The following ZNF236 variants were observed in gnomAD, a reference collection of about 807,000 sequenced individuals.
The protein encoded by ZNF236 is regulated by glucose.
ZNF236 carries 50 observed loss-of-function variants against 191.2 expected under a neutral mutation model. That is an observed-to-expected ratio of 0.26 (90% CI 0.21 to 0.33). The LOEUF is 0.33. Among genes scored for constraint, ZNF236 ranks in the 10% least tolerant of loss-of-function variants. ZNF236 has a pLI of 1.00. For synonymous variants in ZNF236, 907 were observed against 928.8 expected (o/e 0.98, Z 0.43); for missense variants, 1,754 against 2,374.5 (o/e 0.74, Z 5.43).
chr18:76,841,609 A>G (rs1250116740), intron 1 of ZNF236, among the ~76,000 whole-genome samples: 3 of 151,584 alleles, frequency 2.0e-5, no homozygotes, highest in Non-Finnish European at 2.9e-5. Context: ...AGGCTTACAT[A>G]TTAGTATACA....
Position 76,914,014 on chromosome 18 carries a change from G to GAGTACAACTC in ZNF236, c.3061+116_3061+117insAGTACAACTC, listed in dbSNP as rs1270762313. 35 of 1,169,898 alleles carry GAGTACAACTC rather than the reference G, an allele frequency of 3.0e-5. No homozygotes were observed. In the African/African-American group the frequency reaches 4.1e-4, roughly 14 times the overall value. 72.5% of individuals were successfully genotyped at this position (1,169,898 alleles called of 1,614,324 possible). ...AAAGTGTACAATTCAGTGATTTTTAGTATGTTCATAGAGTTCTGCAACCAT... is the reference window on the plus strand; with the variant it reads ...AAAGTGTACAATTCAGTGATTTTTAGAGTACAACTCTATGTTCATAGAGTTCTGCAACCAT... On this transcript the variant is annotated intron_variant, in intron 18 of 30. Transcript: ENST00000320610.
rs553513413 is a variant in ZNF236, at chr18:76,880,386, G to T, written c.1188+70G>T. 2.7e-4 allele frequency: 393 copies of T among 1,463,480 alleles called. 5 individuals carry two copies. The South Asian group carries it at 3.3e-3, about 12-fold the overall frequency. The allele number at this position is 1,463,480 out of a possible 1,614,324, so 90.7% of individuals were successfully genotyped here. On this transcript the variant is annotated intron_variant, in intron 8 of 30. Coordinates refer to ENST00000320610, the MANE Select transcript of ZNF236 (RefSeq NM_001306089.2). This position sits in a 1 kb window ranked among gnomAD's most constrained non-coding sequence, Gnocchi z 5.0. The stretch of plus-strand genomic sequence containing the variant: ...GGGTCAGAAACCAGGGATGATAATT[G>T]AGAATAAATCTGCAGGGCTTGTCAA...
intron 1 of ZNF236, among the ~76,000 whole-genome samples, chr18:76,846,701 T>A (rs577418525): frequency 4.1e-4 from 63 of 152,282 alleles, no homozygotes; most frequent in African/African-American, 9.4e-4. Flanking sequence ...CCGAAATAAT[T>A]ATTATTTTTT....
In ZNF236 at chr18:76,826,263, C is replaced by CA. The variant is rs1046569968; in HGVS notation, c.55+3602dup. On this transcript the variant is annotated intron_variant, in intron 1 of 30. Transcript: ENST00000320610. ...AGTAACTGGTATTACAGGCGTGAGC[C>CA]ACCATGGCTAGCTATTTTTTTTTTT... Among the ~76,000 whole-genome samples, 115 of 151,542 alleles carry CA rather than the reference C, an allele frequency of 7.6e-4. 1 individual carries two copies. Among genetic ancestry groups the CA allele is most frequent in the Admixed American group, 3.4e-3 (52 of 15,228 alleles).
intron 1 of ZNF236, among the ~76,000 whole-genome samples, chr18:76,836,613 T>A (rs1344744813): frequency 6.7e-6 from 1 of 149,144 alleles, no homozygotes; most frequent in African/African-American, 2.5e-5. Flanking sequence ...AGTTTTGCTC[T>A]GTCGCCCAGG....
intron 1 of ZNF236, among the ~76,000 whole-genome samples, chr18:76,843,643 G>T (rs1361457481): frequency 6.6e-6 from 1 of 151,524 alleles, no homozygotes; most frequent in Non-Finnish European, 1.5e-5. Flanking sequence ...CGGCATGGTG[G>T]CGTGCGCCTG....
intron 27 of ZNF236, among the ~76,000 whole-genome samples, chr18:76,948,059 T>G (rs1968309654): frequency 6.6e-6 from 1 of 152,128 alleles, no homozygotes; most frequent in African/African-American, 2.4e-5. Context: ...GTCATACACA[T>G]TTTCATATAC....
intron 1 of ZNF236, among the ~76,000 whole-genome samples, chr18:76,836,477 A>G (rs1975328414): frequency 6.6e-6 from 1 of 152,054 alleles, no homozygotes; most frequent in African/African-American, 2.4e-5. Context: ...TAGCATCCCA[A>G]GTAGCTGGGA....
At chr18:76,963,264 C>A (rs113495541) in intron 30 of ZNF236, among the ~76,000 whole-genome samples, 2 of 151,950 alleles carry the variant, frequency 1.3e-5, no homozygotes, top group African/African-American at 4.8e-5. Context: ...GCCGATTTTC[C>A]TGGGAGTTTT....
rs1435422281 is a variant in ZNF236 at position 76,901,102 on chromosome 18, A to G, written c.1894+1880A>G. Among the ~76,000 whole-genome samples, 12 of 152,204 alleles carry G rather than the reference A, an allele frequency of 7.9e-5. No individual in the cohort carries two copies. The East Asian group carries it at 2.1e-3, about 27-fold the overall frequency. On this transcript the variant is annotated intron_variant, in intron 11 of 30. Coordinates refer to ENST00000320610, the MANE Select transcript of ZNF236 (RefSeq NM_001306089.2). ...CTCCTGCTGCGTGGCCCGGTTCCTA[A>G]CAGGCAGCCTGGGGCTTGAGGACCC... is the stretch of plus-strand genomic sequence containing the variant.
rs2123004308 is a variant in ZNF236 at position 76,972,859 on chromosome 18, T to C, written c.*4520T>C. Among the ~76,000 whole-genome samples the C allele has an allele frequency of 1.3e-5, 2 of 152,376 alleles. 1 individual carries two copies. Among genetic ancestry groups the C allele is most frequent in the South Asian group, 4.1e-4 (2 of 4,832 alleles). Reference sequence around the variant, plus strand: ...ATAGTGATGCCAAAAGCCACCGTGCTGGCTTTAAAAATAATAAAAATAGTT... The same window carrying C: ...ATAGTGATGCCAAAAGCCACCGTGCCGGCTTTAAAAATAATAAAAATAGTT... On this transcript the variant is annotated 3_prime_UTR_variant, in exon 31 of 31. Transcript: ENST00000320610.
chr18:76,842,675 C>A (rs939666691), intron 1 of ZNF236, among the ~76,000 whole-genome samples: 1 of 151,274 alleles, frequency 6.6e-6, no homozygotes, highest in African/African-American at 2.4e-5. Flanking sequence ...CGCTTGAACC[C>A]GGGAGGCGGA....
At chr18:76,912,394 A>G (rs766424526) in intron 17 of ZNF236, 47 bp downstream of exon 17, 5 of 1,437,290 alleles carry the variant, frequency 3.5e-6, no homozygotes, top group Middle Eastern at 2.2e-4. Flanking sequence ...GCTCCCAGGA[A>G]CGGATGCTGC....
rs1968928194 is a variant in ZNF236 at position 76,972,866 on chromosome 18, A to T, written c.*4527A>T. Among the ~76,000 whole-genome samples the T allele has an allele frequency of 6.6e-6, 1 of 152,242 alleles. No individual in the cohort carries two copies. The highest frequency in any genetic ancestry group is 2.4e-5 in the African/African-American group (1 of 41,466). On this transcript the variant is annotated 3_prime_UTR_variant, in exon 31 of 31. Transcript: ENST00000320610. ...TGCCAAAAGCCACCGTGCTGGCTTT[A>T]AAAATAATAAAAATAGTTTTTGTAT...
chr18:76,824,357 C>A, intron 1 of ZNF236: 1 of 781,126 alleles, frequency 1.3e-6, no homozygotes, highest in Non-Finnish European at 2.4e-6. Flanking sequence ...TCGCACACCT[C>A]ATGGGCCTTT....
At chr18:76,898,444 T>C (rs1018374962) in intron 10 of ZNF236, among the ~76,000 whole-genome samples, 1 of 152,256 alleles carries the variant, frequency 6.6e-6, no homozygotes, top group African/African-American at 2.4e-5. Flanking sequence ...TGTATGTGTT[T>C]CTTTGGAATT....
rs1026844725 is a variant in ZNF236 at position 76,844,023 on chromosome 18, C to T, written c.56-5503C>T. 4.6e-5 allele frequency among the ~76,000 whole-genome samples: 7 copies of T among 151,682 alleles called. No homozygotes were observed. In the East Asian group the frequency reaches 5.8e-4, roughly 13 times the overall value. On this transcript the variant is annotated intron_variant, in intron 1 of 30. Coordinates refer to ENST00000320610, the MANE Select transcript of ZNF236 (RefSeq NM_001306089.2). Reference sequence around the variant, plus strand: ...ATCCCAGCACTTTGGGAGGCTGAGGCGGCGTCAGGAGTTCGAGACCAGCCT... The same window carrying T: ...ATCCCAGCACTTTGGGAGGCTGAGGTGGCGTCAGGAGTTCGAGACCAGCCT...
intron 3 of ZNF236, among the ~76,000 whole-genome samples, chr18:76,854,322 A>G (rs986326219): frequency 6.6e-6 from 1 of 152,340 alleles, no homozygotes; most frequent in East Asian, 1.9e-4. Flanking sequence ...TAGTTTTTTA[A>G]ATACAAAAAT....
intron 5 of ZNF236, among the ~76,000 whole-genome samples, chr18:76,872,822 T>G (rs1165363416): frequency 6.6e-6 from 1 of 152,274 alleles, no homozygotes; most frequent in Non-Finnish European, 1.5e-5. Context: ...TATTTCTTGA[T>G]TTGGTTTTCT....
Sources: gnomAD v4.1 joint callset for allele counts (sites outside exome capture counted in the v4.1 genomes callset) on GRCh38, gnomAD v4.1.1 for gene constraint, Gnocchi (gnomAD v3.1) non-coding constraint, MANE v1.5 for transcripts, NCBI Gene and HGNC (gene_info 2026-07-23, HGNC 2026-07-21) for gene names.